The following DKKL1 variants were observed in gnomAD, a reference collection of about 807,000 sequenced individuals.
DKKL1 encodes the protein dickkopf like acrosomal protein 1.
In DKKL1, 11 loss-of-function variants were observed where a neutral mutation model predicts 16.5. The ratio of observed to expected loss-of-function variants is 0.67; its 90% confidence interval spans 0.42 to 1.10. DKKL1 has a LOEUF of 1.10. Ranked by LOEUF, DKKL1 falls within the 50% of genes least tolerant of loss-of-function variation. The probability of loss-of-function intolerance (pLI) is 0.00; values close to 1 mark genes in which losing one functional copy is unlikely to be tolerated. For synonymous variants in DKKL1, 119 were observed against 133.2 expected (o/e 0.89, Z 0.73); for missense variants, 320 against 308.1 (o/e 1.04, Z -0.29).
Position 49,365,489 on chromosome 19 carries a change from A to T in DKKL1, c.184-20A>T, listed in dbSNP as rs746397580. ...GAGATGTGAGGTCCAGCAGCTCACC[A>T]GTCCCTCCTCCGGCCCCAGGGTAAC... On this transcript the variant is annotated intron_variant, in intron 2 of 4. Transcript: ENST00000221498. The T allele has an allele frequency of 6.3e-7, 1 of 1,580,576 alleles. No individual in the cohort carries two copies. Among genetic ancestry groups the T allele is most frequent in the African/African-American group, 1.3e-5 (1 of 74,502 alleles).
At chr19:49,372,529 T>G (rs898696786) in intron 4 of DKKL1, among the ~76,000 whole-genome samples, 4 of 150,136 alleles carry the variant, frequency 2.7e-5, no homozygotes, top group Non-Finnish European at 4.4e-5. Context: ...CCGTCTCTAG[T>G]AAAAATACAA....
At chr19:49,364,492 G>A in intron 1 of DKKL1, 90 bp from the exon 2 acceptor site, 1 of 1,153,478 alleles carries the variant, frequency 8.7e-7, no homozygotes, top group Non-Finnish European at 1.2e-6. Context: ...GCCTGAACTG[G>A]GGAGGCGACC....
At chr19:49,363,545 C>CT (rs1410563714), upstream of DKKL1, 2 of 321,388 alleles carry the variant, frequency 6.2e-6, no homozygotes, top group Non-Finnish European at 1.2e-5. Context: ...AGGGGCGTGG[C>CT]TTTCAGCCAA....
upstream of DKKL1, chr19:49,361,514 G>C (rs943813546): frequency 5.9e-5 from 9 of 152,214 alleles, no homozygotes; most frequent in African/African-American, 1.9e-4. Context: ...AGAACAAAGG[G>C]CCCAGGCGTC....
chr19:49,363,928 C>T lies in DKKL1; in HGVS notation c.-71C>T, dbSNP rs374578611. On this transcript the variant is annotated 5_prime_UTR_variant, in exon 1 of 5. Coordinates refer to ENST00000221498, the MANE Select transcript of DKKL1 (RefSeq NM_014419.4). ...TTGGCTTTAACAGTACGTGGGCGGC[C>T]GGAATCCGGGAGTCCGGTGACCCGG... 4.1e-5 allele frequency: 65 copies of T among 1,598,070 alleles called. No homozygotes were observed. The highest frequency in any genetic ancestry group is 1.6e-4 in the Middle Eastern group (1 of 6,062).
Position 49,375,110 on chromosome 19 carries a change from C to A in DKKL1, c.*82C>A. On this transcript the variant is annotated 3_prime_UTR_variant, in exon 5 of 5. Transcript: ENST00000221498. ...CATATGGAAATAAAGTTCTTTCTTA[C>A]ATCTAACAACACCATCTCCTTTCAC... The A allele has an allele frequency of 2.1e-6, 3 of 1,407,206 alleles. No homozygotes were observed. Among genetic ancestry groups the A allele is most frequent in the Non-Finnish European group, 2.8e-6 (3 of 1,053,618 alleles). The allele number at this position is 1,407,206 out of a possible 1,614,324, so 87.2% of individuals were successfully genotyped here. A position where few individuals can be genotyped will look rare whatever the true frequency, so the allele number is the denominator to read the frequency against.
chr19:49,375,111 A>T lies in DKKL1; in HGVS notation c.*83A>T, dbSNP rs1285309609. ...ATATGGAAATAAAGTTCTTTCTTAC[A>T]TCTAACAACACCATCTCCTTTCACT... On this transcript the variant is annotated 3_prime_UTR_variant, in exon 5 of 5. Coordinates refer to ENST00000221498, the MANE Select transcript of DKKL1 (RefSeq NM_014419.4). The T allele has an allele frequency of 5.7e-6, 8 of 1,407,760 alleles. No homozygotes were observed. The African/African-American group carries it at 1.2e-4, about 20-fold the overall frequency. 87.2% of individuals were successfully genotyped at this position (1,407,760 alleles called of 1,614,324 possible).
At position 49,374,879 on chromosome 19, in the gene DKKL1, C is replaced by T. The variant is rs1031009164; in HGVS notation, c.580C>T (p.Arg194Ter). The change falls in exon 5 of 5, where the codon CGA (arginine) becomes TGA (stop). Residue 194 changes from arginine to a stop codon, truncating the protein, a stop_gained. Transcript: ENST00000221498. LOFTEE classifies it low-confidence loss of function (END_TRUNC). ...LEGGHWLSEK[R>*]HRLQAIRDGL... ...GGGCGGCCACTGGCTCAGCGAGAAG[C>T]GACACCGCCTGCAGGCCATCCGGGA... 8 of 1,613,836 alleles carry T rather than the reference C, an allele frequency of 5.0e-6. No homozygotes were observed. The Admixed American group carries it at 5.0e-5, about 10-fold the overall frequency.
At chr19:49,372,411 G>C (rs1452632796) in intron 4 of DKKL1, among the ~76,000 whole-genome samples, 1 of 151,478 alleles carries the variant, frequency 6.6e-6, no homozygotes, top group Non-Finnish European at 1.5e-5. Context: ...ACAAAATATG[G>C]GGCCAGGCAC....
chr19:49,360,956 A>C (rs1160864092), upstream of DKKL1, among the ~76,000 whole-genome samples: 2 of 109,608 alleles, frequency 1.8e-5, no homozygotes, highest in East Asian at 6.5e-4. Context: ...GACAGAGACC[A>C]GTGACGGAGG....
intron 4 of DKKL1, chr19:49,368,585 G>C (rs1157429584): frequency 6.6e-6 from 1 of 152,080 alleles, no homozygotes; most frequent in East Asian, 1.9e-4. Flanking sequence ...GTCTCCCTCT[G>C]TCACCCAGAC....
chr19:49,374,217 ACCT>A (rs1293362420), intron 4 of DKKL1, among the ~76,000 whole-genome samples: 2 of 152,050 alleles, frequency 1.3e-5, no homozygotes, highest in Non-Finnish European at 2.9e-5. Context: ...CGATCTCCTG[ACCT>A]CGTGATCCGC....
intron 4 of DKKL1, among the ~76,000 whole-genome samples, chr19:49,373,638 T>C (rs1366490131): frequency 6.6e-6 from 1 of 151,852 alleles, no homozygotes; most frequent in Non-Finnish European, 1.5e-5. Flanking sequence ...CCCAGCTAAT[T>C]TTCATATTTT....
At chr19:49,361,627 T>C (rs1972947807), upstream of DKKL1, 1 of 146,996 alleles carries the variant, frequency 6.8e-6, no homozygotes, top group Non-Finnish European at 1.5e-5. Context: ...CCGTGCGCCG[T>C]GGGCTCTGAT....
chr19:49,363,388 A>G (rs67370729), upstream of DKKL1, among the ~76,000 whole-genome samples: 39,129 of 151,984 alleles, frequency 0.26, 5,214 homozygotes, highest in African/African-American at 0.31. Context: ...AAGGTTCCGA[A>G]ACAGATACAC....
chr19:49,363,304 G>T, upstream of DKKL1: 1 of 154,292 alleles, frequency 6.5e-6, no homozygotes. Context: ...ATATAAGACT[G>T]GATTTAGGGT....
chr19:49,361,063 G>C (rs1214666824), upstream of DKKL1, among the ~76,000 whole-genome samples: 2 of 117,840 alleles, frequency 1.7e-5, no homozygotes, highest in Non-Finnish European at 3.4e-5. Flanking sequence ...GGGGGACAGA[G>C]ACCCAGAGAG....
In DKKL1 at chr19:49,374,996, C is replaced by T. The variant is rs979468124; in HGVS notation, c.697C>T (p.Leu233=). The change falls in exon 5 of 5, where the codon CTG becomes TTG. Residue 233 remains leucine, a synonymous_variant. Coordinates refer to ENST00000221498, the MANE Select transcript of DKKL1 (RefSeq NM_014419.4). ...SRLSPRKTHL[L]YILRPSRQL is the part of the protein sequence containing the mutation. ...GCTGTCCCCCCGAAAGACCCACTTA[C>T]TGTACATCCTCAGGCCCTCTCGGCA... The T allele has an allele frequency of 3.1e-6, 5 of 1,612,466 alleles. No homozygotes were observed. The African/African-American group carries it at 6.7e-5, about 22-fold the overall frequency.
At chr19:49,373,232 G>A (rs1324564315) in intron 4 of DKKL1, among the ~76,000 whole-genome samples, 2 of 151,044 alleles carry the variant, frequency 1.3e-5, no homozygotes, top group Non-Finnish European at 2.9e-5. Context: ...GAACCCAGGA[G>A]GCAGAGGCTG....
Sources: allele counts gnomAD v4.1 joint callset (sites outside exome capture counted in the v4.1 genomes callset), GRCh38; gene constraint gnomAD v4.1.1; transcripts MANE v1.5; gene names NCBI Gene and HGNC (gene_info 2026-07-23, HGNC 2026-07-21).